VWC2: variants seen among roughly 807,000 people sequenced by gnomAD.
The protein encoded by VWC2 is von Willebrand factor C domain containing 2, also known as brorin.
VWC2 carries 14 observed loss-of-function variants against 29.8 expected under a neutral mutation model. The observed-to-expected ratio is 0.47, with a 90% CI of 0.31 to 0.74. The LOEUF is 0.74. Among genes scored for constraint, VWC2 ranks in the 30% least tolerant of loss-of-function variants. The pLI is 0.05. For synonymous variants in VWC2, 213 were observed against 199.0 expected (o/e 1.07, Z -0.59); for missense variants, 457 against 459.8 (o/e 0.99, Z 0.05).
chr7:49,815,930 T>TG (rs1017201524), intron 3 of VWC2, among the ~76,000 whole-genome samples: 1 of 152,104 alleles, frequency 6.6e-6, no homozygotes, highest in African/African-American at 2.4e-5. Flanking sequence ...CCATAGATTA[T>TG]GGGAAGAAAA....
chr7:49,775,937 A>C lies in VWC2; in HGVS notation c.502A>C (p.Lys168Gln). 1 of 1,554,978 alleles carries C rather than the reference A, an allele frequency of 6.4e-7. No homozygotes were observed. Among genetic ancestry groups the C allele is most frequent in the Non-Finnish European group, 8.7e-7 (1 of 1,151,574 alleles). Residue 168 changes from lysine (K) to glutamine (Q), a missense_variant, in exon 2 of 4, where the codon AAG becomes CAG. Transcript: ENST00000340652. ...CGGCTTCGTGTACGCGATCGGGGAG[A>C]AGTTCGCGCCGGGCCCCTCGGCCTG... Reference protein sequence around the residue: ...ESGFVYAIGEKFAPGPSACPC... With the variant: ...ESGFVYAIGEQFAPGPSACPC...
At chr7:49,795,147 A>G (rs1173790977) in intron 2 of VWC2, among the ~76,000 whole-genome samples, 1 of 152,128 alleles carries the variant, frequency 6.6e-6, no homozygotes, top group Admixed American at 6.5e-5. Flanking sequence ...TTGTTGATAC[A>G]ATTTGTGGGG....
intron 2 of VWC2, among the ~76,000 whole-genome samples, chr7:49,781,788 T>C (rs1202791989): frequency 1.3e-5 from 2 of 152,212 alleles, no homozygotes; most frequent in Admixed American, 6.5e-5. Context: ...TTTATTTACA[T>C]GGATTTGTCA....
chr7:49,857,153 G>A (rs1790459516), intron 3 of VWC2, among the ~76,000 whole-genome samples: 1 of 150,332 alleles, frequency 6.7e-6, no homozygotes, highest in Non-Finnish European at 1.5e-5. Flanking sequence ...TTGCATAACT[G>A]AAACTTTATA....
chr7:49,854,679 T>A (rs1790343087), intron 3 of VWC2, among the ~76,000 whole-genome samples: 1 of 152,234 alleles, frequency 6.6e-6, no homozygotes, highest in African/African-American at 2.4e-5. Flanking sequence ...TTCACTCTGA[T>A]GGTAGTTTCT....
Position 49,913,206 on chromosome 7 carries a change from C to G in VWC2, c.*1021C>G, listed in dbSNP as rs1219639248. 2 of 152,108 alleles carry G rather than the reference C, an allele frequency of 1.3e-5. No individual in the cohort carries two copies. The highest frequency in any genetic ancestry group is 4.8e-5 in the African/African-American group (2 of 41,406). The allele number at this position is 152,108 out of a possible 1,614,324, so 9.4% of individuals were successfully genotyped here. On this transcript the variant is annotated 3_prime_UTR_variant, in exon 4 of 4. Coordinates refer to ENST00000340652, the MANE Select transcript of VWC2 (RefSeq NM_198570.5). ...TGACTGATAACCTTGAATTAGCCAC[C>G]CTTCACAAGCAGAGTGAGGAAGCAG...
At chr7:49,851,757 CTGAG>C (rs1316443367) in intron 3 of VWC2, among the ~76,000 whole-genome samples, 1 of 152,036 alleles carries the variant, frequency 6.6e-6, no homozygotes, top group Admixed American at 6.5e-5. Flanking sequence ...ACTTGGGAGG[CTGAG>C]TAAGGAGAAT....
At chr7:49,911,946 C>CACAT (rs1554345027) in intron 3 of VWC2, 88 bp from the exon 4 acceptor site, 1 of 744,256 alleles carries the variant, frequency 1.3e-6, no homozygotes. Flanking sequence ...CACACACACA[C>CACAT]ATATATATAC....
intron 3 of VWC2, among the ~76,000 whole-genome samples, chr7:49,866,400 T>A (rs1790892008): frequency 6.6e-6 from 1 of 152,212 alleles, no homozygotes; most frequent in Non-Finnish European, 1.5e-5. Context: ...TGCTGCAGGC[T>A]CACTTAGGGC....
At chr7:49,849,306 T>C (rs748114361) in intron 3 of VWC2, among the ~76,000 whole-genome samples, 3 of 152,182 alleles carry the variant, frequency 2.0e-5, no homozygotes, top group Admixed American at 2.0e-4. Flanking sequence ...TTAAATCTGC[T>C]CAAAAGTAAT....
At chr7:49,887,645 C>T (rs1791959161) in intron 3 of VWC2, among the ~76,000 whole-genome samples, 1 of 148,184 alleles carries the variant, frequency 6.7e-6, no homozygotes, top group African/African-American at 2.7e-5. Flanking sequence ...CAACTTATGG[C>T]AGTAAAATAA....
intron 3 of VWC2, among the ~76,000 whole-genome samples, chr7:49,857,814 G>A (rs796133988): frequency 2.0e-5 from 3 of 152,248 alleles, no homozygotes; most frequent in African/African-American, 7.2e-5. Context: ...TCCATAAAAA[G>A]TGAATCAGAG....
chr7:49,879,179 T>C (rs1430895684), intron 3 of VWC2, among the ~76,000 whole-genome samples: 1 of 152,184 alleles, frequency 6.6e-6, no homozygotes, highest in Non-Finnish European at 1.5e-5. Flanking sequence ...CACTTGATTC[T>C]CTATAGTTTT....
chr7:49,814,827 ATCTCTGCT>A (rs1344096591), intron 3 of VWC2, among the ~76,000 whole-genome samples: 3 of 152,112 alleles, frequency 2.0e-5, no homozygotes. Context: ...TCACTTCCCC[ATCTCTGCT>A]TCTCTTTAAC....
chr7:49,790,277 G>C (rs1035505808), intron 2 of VWC2, among the ~76,000 whole-genome samples: 1 of 152,172 alleles, frequency 6.6e-6, no homozygotes. Context: ...GTTGTCTGTG[G>C]TGCCCGAGAA....
At chr7:49,877,712 T>G (rs1392970262) in intron 3 of VWC2, among the ~76,000 whole-genome samples, 1 of 150,120 alleles carries the variant, frequency 6.7e-6, no homozygotes, top group South Asian at 2.1e-4. Context: ...CATCTAGTCC[T>G]AACTTTTACA....
intron 3 of VWC2, among the ~76,000 whole-genome samples, chr7:49,819,388 T>C (rs1281721789): frequency 6.6e-6 from 1 of 152,202 alleles, no homozygotes; most frequent in Non-Finnish European, 1.5e-5. Context: ...TAGGCCACCT[T>C]TATGAACTTG....
intron 3 of VWC2, among the ~76,000 whole-genome samples, chr7:49,822,717 C>T (rs1789291426): frequency 6.6e-6 from 1 of 152,188 alleles, no homozygotes; most frequent in African/African-American, 2.4e-5. Context: ...CGGATTATCA[C>T]TGTGGTTATT....
chr7:49,883,105 C>T lies in VWC2; in HGVS notation c.827-28929C>T, dbSNP rs535480236. ...CCAGATGAAATGGGCCAGAGATTTC[C>T]CAAAAGAAACAACTTTGAGGGGAAA... On this transcript the variant is annotated intron_variant, in intron 3 of 3. Transcript: ENST00000340652. Among the ~76,000 whole-genome samples the T allele has an allele frequency of 1.6e-4, 25 of 152,078 alleles. No homozygotes were observed. The South Asian group carries it at 5.2e-3, about 32-fold the overall frequency.
Sources: allele counts gnomAD v4.1 joint callset (sites outside exome capture counted in the v4.1 genomes callset), GRCh38; gene constraint gnomAD v4.1.1; transcripts MANE v1.5; gene names NCBI Gene and HGNC (gene_info 2026-07-23, HGNC 2026-07-21).